Variants in ZNF135 observed in about 807,000 individuals in gnomAD.
The protein encoded by ZNF135 is zinc finger protein 135, also known as zinc finger protein 135 (clone pHZ-17).
Under a neutral mutation model 12.3 loss-of-function variants are expected in ZNF135, and 11 were observed. That is an observed-to-expected ratio of 0.89 (90% confidence interval 0.56 to 1.48). The LOEUF is 1.48. Ranked by LOEUF, ZNF135 falls within the 40% of genes most tolerant of loss-of-function variation. The probability of loss-of-function intolerance (pLI) is 0.00; values close to 1 mark genes in which losing one functional copy is unlikely to be tolerated. For missense variants in ZNF135, 722 were observed against 815.7 expected (o/e 0.89, Z 1.40); for synonymous variants, 316 against 312.0 (o/e 1.01, Z -0.14).
chr19:58,068,109 G>A lies in ZNF135; in HGVS notation c.1625G>A (p.Arg542Lys). ...CTTGCTCCCCTCATTCAGCATCAGA[G>A]GATCCACACAGGAGAGAAACCCTAT... is the stretch of plus-strand genomic sequence containing the variant. ...SQLAPLIQHQ[R>K]IHTGEKPYEC... Residue 542 changes from arginine (R) to lysine (K), a missense_variant, in exon 5 of 5, where the codon AGG (arginine) becomes AAG (lysine). Physicochemically the swap from Arg to Lys is conservative, Grantham distance 26 (BLOSUM62 2). Coordinates refer to ENST00000313434, the MANE Select transcript of ZNF135 (RefSeq NM_001289401.2). 5 of 1,614,122 alleles carry A rather than the reference G, an allele frequency of 3.1e-6. No homozygotes were observed. Among genetic ancestry groups the A allele is most frequent in the Middle Eastern group, 3.3e-4 (2 of 6,062 alleles).
In ZNF135 at chr19:58,063,639, A is replaced by C; in HGVS notation, c.256+98A>C. 1 of 1,545,294 alleles carries C rather than the reference A, an allele frequency of 6.5e-7. No homozygotes were observed. Among genetic ancestry groups the C allele is most frequent in the Non-Finnish European group, 8.7e-7 (1 of 1,143,928 alleles). On this transcript the variant is annotated intron_variant, in intron 4 of 4. Transcript: ENST00000313434. The surrounding 1 kb of genome is among the most constrained non-coding windows in gnomAD (Gnocchi z 4.4). Reference sequence around the variant, plus strand: ...CTCTCTAATTCTTCAGAGCAAATTTACTACTCAGTCTTAGTGAAGATTTAC... The same window carrying C: ...CTCTCTAATTCTTCAGAGCAAATTTCCTACTCAGTCTTAGTGAAGATTTAC...
In ZNF135 at chr19:58,066,804, C is replaced by A. The variant is rs1367855328; in HGVS notation, c.320C>A (p.Ser107Tyr). The A allele has an allele frequency of 3.1e-6, 5 of 1,614,090 alleles. No homozygotes were observed. In the African/African-American group the frequency reaches 4.0e-5, roughly 13 times the overall value. Residue 107 changes from serine to tyrosine, a missense_variant, in exon 5 of 5, where the codon TCC (serine) becomes TAC (tyrosine). Coordinates refer to ENST00000313434, the MANE Select transcript of ZNF135 (RefSeq NM_001289401.2). ...VLKQGISEEI[S>Y]NSVILVERFL... ...AAGCAAGGCATCTCTGAAGAAATATCCAACAGTGTCATCTTGGTAGAAAGA... is the reference window on the plus strand; with the variant it reads ...AAGCAAGGCATCTCTGAAGAAATATACAACAGTGTCATCTTGGTAGAAAGA...
At position 58,060,120 on chromosome 19, in the gene ZNF135, T is replaced by C; in HGVS notation, c.33+85T>C. 1 of 1,596,406 alleles carries C rather than the reference T, an allele frequency of 6.3e-7. No homozygotes were observed. Among genetic ancestry groups the C allele is most frequent in the South Asian group, 1.1e-5 (1 of 90,352 alleles). ...GGCCTTCTCACGCCCGGCCTCCTCTTTGCACCCCGTCCCTACTCGCGCTCA... is the reference window on the plus strand; with the variant it reads ...GGCCTTCTCACGCCCGGCCTCCTCTCTGCACCCCGTCCCTACTCGCGCTCA... On this transcript the variant is annotated intron_variant, in intron 2 of 4. Transcript: ENST00000313434. This position sits in a 1 kb window ranked among gnomAD's most constrained non-coding sequence, Gnocchi z 4.9.
chr19:58,066,634 G>T lies in ZNF135; in HGVS notation c.257-107G>T, dbSNP rs2074070652. 2.1e-6 allele frequency: 3 copies of T among 1,461,030 alleles called. No individual in the cohort carries two copies. In the Admixed American group the frequency reaches 7.0e-5, roughly 34 times the overall value. 90.5% of individuals were successfully genotyped at this position (1,461,030 alleles called of 1,614,324 possible). ...AAATGGTCAAAGCCACTTGAACCTT[G>T]AACGTTTCAAAATAATTAGTTTTAT... On this transcript the variant is annotated intron_variant, in intron 4 of 4. Coordinates refer to ENST00000313434, the MANE Select transcript of ZNF135 (RefSeq NM_001289401.2).
rs56951330 is a variant in ZNF135 at position 58,069,015 on chromosome 19, A to G, written c.*554A>G. The G allele has an allele frequency of 4.8e-3, 757 of 159,068 alleles. 6 individuals are homozygous for G. Among genetic ancestry groups the G allele is most frequent in the African/African-American group, 0.016 (678 of 41,586 alleles). 9.9% of individuals were successfully genotyped at this position (159,068 alleles called of 1,614,324 possible). A position where few individuals can be genotyped will look rare whatever the true frequency, so the allele number is the denominator to read the frequency against. ...TTCCAGAAATGAGAGTGGCATCTTT[A>G]TGGAATCACTGTGGATACTGACTGT... On this transcript the variant is annotated 3_prime_UTR_variant, in exon 5 of 5. Transcript: ENST00000313434.
upstream of ZNF135, chr19:58,059,243 T>TG (rs570551204): frequency 7.6e-6 from 12 of 1,583,592 alleles, no homozygotes; most frequent in Middle Eastern, 8.4e-4. The surrounding 1 kb of genome is among the most constrained non-coding windows in gnomAD (Gnocchi z 6.5). Context: ...CTCTGGGAAA[T>TG]GGAGTTAGGC....
chr19:58,069,181 T>C lies in ZNF135; in HGVS notation c.*720T>C, dbSNP rs2074128349. ...GTTATCCCTGCATTATTTTTGCAATTAATCTTTATATGCAATGAGATTGAA... is the reference window on the plus strand; with the variant it reads ...GTTATCCCTGCATTATTTTTGCAATCAATCTTTATATGCAATGAGATTGAA... On this transcript the variant is annotated 3_prime_UTR_variant, in exon 5 of 5. Coordinates refer to ENST00000313434, the MANE Select transcript of ZNF135 (RefSeq NM_001289401.2). The C allele has an allele frequency of 6.6e-6, 1 of 152,290 alleles. No homozygotes were observed. Among genetic ancestry groups the C allele is most frequent in the African/African-American group, 2.4e-5 (1 of 41,468 alleles). 9.4% of individuals were successfully genotyped at this position (152,290 alleles called of 1,614,324 possible). A position where few individuals can be genotyped will look rare whatever the true frequency, so the allele number is the denominator to read the frequency against.
At chr19:58,061,442 C>T (rs977083746) in intron 2 of ZNF135, 138 bp from the exon 3 acceptor site, 3 of 1,035,564 alleles carry the variant, frequency 2.9e-6, no homozygotes, top group African/African-American at 3.3e-5. Flanking sequence ...CCCATCCAGG[C>T]CCCACAGAAA....
chr19:58,067,428 A>G lies in ZNF135; in HGVS notation c.944A>G (p.Gln315Arg). The G allele has an allele frequency of 6.2e-7, 1 of 1,614,162 alleles. No individual in the cohort carries two copies. Among genetic ancestry groups the G allele is most frequent in the Non-Finnish European group, 8.5e-7 (1 of 1,179,992 alleles). The change falls in exon 5 of 5, where the codon CAG (glutamine) becomes CGG (arginine). Residue 315 changes from glutamine (Q) to arginine (R), a missense_variant. Coordinates refer to ENST00000313434, the MANE Select transcript of ZNF135 (RefSeq NM_001289401.2). ...KSFSFRSSFS[Q>R]HERTHTGEKP... ...TTCAGTTTTAGGTCCTCCTTCAGCC[A>G]GCACGAGCGAACTCACACAGGCGAG...
intron 4 of ZNF135, among the ~76,000 whole-genome samples, chr19:58,066,374 C>A (rs1471395535): frequency 6.6e-6 from 1 of 152,158 alleles, no homozygotes; most frequent in Non-Finnish European, 1.5e-5. Context: ...ACTGCTCCTT[C>A]CAAGTCCAGT....
rs1568610824 is a variant in ZNF135, at chr19:58,060,194, T to C, written c.33+159T>C. 3 of 1,495,240 alleles carry C rather than the reference T, an allele frequency of 2.0e-6. No individual in the cohort carries two copies. The highest frequency in any genetic ancestry group is 1.8e-6 in the Non-Finnish European group (2 of 1,124,760). The allele number at this position is 1,495,240 out of a possible 1,614,324, so 92.6% of individuals were successfully genotyped here. A position where few individuals can be genotyped will look rare whatever the true frequency, so the allele number is the denominator to read the frequency against. ...TACTTGCGTGCCCGGCCCCTACTCG[T>C]GCCCGGCCTCTACTCGCACAACTGG... On this transcript the variant is annotated intron_variant, in intron 2 of 4. Coordinates refer to ENST00000313434, the MANE Select transcript of ZNF135 (RefSeq NM_001289401.2). This position sits in a 1 kb window ranked among gnomAD's most constrained non-coding sequence, Gnocchi z 4.9.
rs1599918936 is a variant in ZNF135 at position 58,060,135 on chromosome 19, A to C, written c.33+100A>C. The C allele has an allele frequency of 6.4e-7, 1 of 1,572,314 alleles. No homozygotes were observed. Among genetic ancestry groups the C allele is most frequent in the Non-Finnish European group, 8.6e-7 (1 of 1,165,934 alleles). ...GGCCTCCTCTTTGCACCCCGTCCCT[A>C]CTCGCGCTCAGCCTCCTCCTTGTGC... On this transcript the variant is annotated intron_variant, in intron 2 of 4. Coordinates refer to ENST00000313434, the MANE Select transcript of ZNF135 (RefSeq NM_001289401.2). This position sits in a 1 kb window ranked among gnomAD's most constrained non-coding sequence, Gnocchi z 4.9.
At position 58,065,289 on chromosome 19, in the gene ZNF135, G is replaced by T. The variant is rs1331312034; in HGVS notation, c.257-1452G>T. Among the ~76,000 whole-genome samples, 1 of 152,078 alleles carries T rather than the reference G, an allele frequency of 6.6e-6. No individual in the cohort carries two copies. The highest frequency in any genetic ancestry group is 1.5e-5 in the Non-Finnish European group (1 of 68,034). On this transcript the variant is annotated intron_variant, in intron 4 of 4. Coordinates refer to ENST00000313434, the MANE Select transcript of ZNF135 (RefSeq NM_001289401.2). The surrounding 1 kb of genome is among the most constrained non-coding windows in gnomAD (Gnocchi z 4.0). Reference sequence around the variant, plus strand: ...GCTCACAGCAACCTTGACCTTCTGGGCTCAGGTGATCCTCCTGCCTCAGCC... The same window carrying T: ...GCTCACAGCAACCTTGACCTTCTGGTCTCAGGTGATCCTCCTGCCTCAGCC...
intron 4 of ZNF135, among the ~76,000 whole-genome samples, chr19:58,064,251 C>T (rs1303638252): frequency 6.6e-6 from 1 of 152,146 alleles, no homozygotes; most frequent in East Asian, 1.9e-4. Flanking sequence ...AGTAGGGTCC[C>T]TCCACATCAA....
chr19:58,059,281 T>G (rs781591719), upstream of ZNF135: 2 of 1,530,366 alleles, frequency 1.3e-6, no homozygotes, highest in South Asian at 1.1e-5. This position sits in a 1 kb window ranked among gnomAD's most constrained non-coding sequence, Gnocchi z 6.5. Context: ...CGGCTGCCGG[T>G]GCCGCGGCCT....
At position 58,068,087 on chromosome 19, in the gene ZNF135, G is replaced by A; in HGVS notation, c.1603G>A (p.Ala535Thr). The A allele has an allele frequency of 6.2e-7, 1 of 1,612,698 alleles. No individual in the cohort carries two copies. Among genetic ancestry groups the A allele is most frequent in the Non-Finnish European group, 8.5e-7 (1 of 1,179,670 alleles). ...GTGTGGCAGAGCCTTCAGCCAGCTT[G>A]CTCCCCTCATTCAGCATCAGAGGAT... ...NQCGRAFSQL[A>T]PLIQHQRIHT... The change falls in exon 5 of 5, where the codon GCT becomes ACT. Residue 535 changes from alanine (A) to threonine (T), a missense_variant. Physicochemically the swap from Ala to Thr is moderately conservative, Grantham distance 58. Transcript: ENST00000313434.
chr19:58,069,637 C>G lies in ZNF135; in HGVS notation c.*1176C>G, dbSNP rs991202376. 12 of 151,784 alleles carry G rather than the reference C, an allele frequency of 7.9e-5. No individual in the cohort carries two copies. The highest frequency in any genetic ancestry group is 2.9e-4 in the African/African-American group (12 of 41,264). The allele number at this position is 151,784 out of a possible 1,614,324, so 9.4% of individuals were successfully genotyped here. A position where few individuals can be genotyped will look rare whatever the true frequency, so the allele number is the denominator to read the frequency against. On this transcript the variant is annotated 3_prime_UTR_variant, in exon 5 of 5. Transcript: ENST00000313434. ...CCTGTAATCCCAGCACTTTGGGAGGCCAAGGTGGGAGGATCACCTGAGGTC... is the reference window on the plus strand; with the variant it reads ...CCTGTAATCCCAGCACTTTGGGAGGGCAAGGTGGGAGGATCACCTGAGGTC...
At chr19:58,062,766 AC>A (rs2074003452) in intron 3 of ZNF135, among the ~76,000 whole-genome samples, 1 of 151,642 alleles carries the variant, frequency 6.6e-6, no homozygotes, top group Non-Finnish European at 1.5e-5. Context: ...AGTCATACTT[AC>A]TGCACACTTA....
In ZNF135 at chr19:58,061,701, C is replaced by T. The variant is rs2073985283; in HGVS notation, c.155C>T (p.Ser52Phe). 6.2e-7 allele frequency: 1 copy of T among 1,612,578 alleles called. No individual in the cohort carries two copies. Among genetic ancestry groups the T allele is most frequent in the South Asian group, 1.1e-5 (1 of 90,788 alleles). ...CTGGACACCTTCAGGCTTCTGGTCTCTGTGGGTAAGGCCACACCCATGTCC... is the reference window on the plus strand; with the variant it reads ...CTGGACACCTTCAGGCTTCTGGTCTTTGTGGGTAAGGCCACACCCATGTCC... ...VMLDTFRLLV[S>F]VGHWLPKPNV... The change falls in exon 3 of 5, where the codon TCT (serine) becomes TTT (phenylalanine). Residue 52 changes from serine (S) to phenylalanine (F), a missense_variant. Coordinates refer to ENST00000313434, the MANE Select transcript of ZNF135 (RefSeq NM_001289401.2).
Sources: allele counts gnomAD v4.1 joint callset (sites outside exome capture counted in the v4.1 genomes callset), GRCh38; gene constraint gnomAD v4.1.1; non-coding constraint Gnocchi (gnomAD v3.1); transcripts MANE v1.5; gene names NCBI Gene and HGNC (gene_info 2026-07-23, HGNC 2026-07-21).